The following KIF1B variants were observed in gnomAD, a reference collection of about 807,000 sequenced individuals.
KIF1B encodes kinesin-like protein KIF1B.
Under a neutral mutation model 241.9 loss-of-function variants are expected in KIF1B, and 76 were observed. The observed-to-expected ratio is 0.31, with a 90% CI of 0.26 to 0.38. The LOEUF (loss-of-function observed/expected upper bound fraction) is 0.38, where lower values mean the gene tolerates loss of function less well. Ranked by LOEUF, KIF1B falls within the 10% of genes least tolerant of loss-of-function variation. The pLI, the probability that KIF1B is intolerant of heterozygous loss-of-function variation, is 1.00. For missense variants in KIF1B, 1,622 were observed against 2,271.4 expected, an observed-to-expected ratio of 0.71 and a Z score of 5.81; for synonymous variants, 750 against 796.7, an observed-to-expected ratio of 0.94 and a Z score of 0.99.
chr1:10,253,729 T>G (rs1647601624), intron 2 of KIF1B, among the ~76,000 whole-genome samples: 2 of 152,240 alleles, frequency 1.3e-5, no homozygotes, highest in South Asian at 4.1e-4. Context: ...AATCTTGCAT[T>G]TAATTCCTCT....
chr1:10,271,915 A>C (rs1354466765), intron 8 of KIF1B, among the ~76,000 whole-genome samples: 18 of 152,238 alleles, frequency 1.2e-4, no homozygotes, highest in Admixed American at 1.1e-3. Context: ...AGATGGAATT[A>C]AGAGATGGCA....
At chr1:10,348,012 T>TA (rs1308572699) in intron 36 of KIF1B, among the ~76,000 whole-genome samples, 185 bp downstream of exon 36, 2 of 152,204 alleles carry the variant, frequency 1.3e-5, no homozygotes, top group Non-Finnish European at 2.9e-5. Context: ...GACCTTGGCT[T>TA]ATATTTATCC....
At chr1:10,211,771 G>C (rs1415734620) in intron 1 of KIF1B, 1 of 151,976 alleles carries the variant, frequency 6.6e-6, no homozygotes, top group African/African-American at 2.4e-5. Flanking sequence ...TTCTTGTTGG[G>C]GTGAAATTCC....
chr1:10,372,251 G>A lies in KIF1B; in HGVS notation c.4946+989G>A, dbSNP rs1412734801. ...AAGATGAATCCCAATTTAAGAAATG[G>A]TGGCTGAGTGCAGTGGCTCATACCT... On this transcript the variant is annotated intron_variant, in intron 45 of 48. Coordinates refer to ENST00000676179, the MANE Select transcript of KIF1B (RefSeq NM_001365951.3). 2.0e-5 allele frequency among the ~76,000 whole-genome samples: 3 copies of A among 152,218 alleles called. No individual in the cohort carries two copies. In the East Asian group the frequency reaches 5.8e-4, roughly 29 times the overall value.
chr1:10,337,697 C>CAGA lies in KIF1B; in HGVS notation c.3422+166_3422+168dup, dbSNP rs958797243. Among the ~76,000 whole-genome samples, 3 of 152,092 alleles carry CAGA rather than the reference C, an allele frequency of 2.0e-5. No individual in the cohort carries two copies. Among genetic ancestry groups the CAGA allele is most frequent in the African/African-American group, 7.2e-5 (3 of 41,408 alleles). ...TCATCACTCCTATGGGAGTGAGAACCAGAAACCTGTCCTGGAATGCAACAG... is the reference window on the plus strand; with the variant it reads ...TCATCACTCCTATGGGAGTGAGAACCAGAAGAAACCTGTCCTGGAATGCAACAG... On this transcript the variant is annotated intron_variant, in intron 31 of 48. Coordinates refer to ENST00000676179, the MANE Select transcript of KIF1B (RefSeq NM_001365951.3). This position sits in a 1 kb window ranked among gnomAD's most constrained non-coding sequence, Gnocchi z 4.0.
intron 38 of KIF1B, among the ~76,000 whole-genome samples, chr1:10,358,102 C>CAAA (rs541043240): frequency 1.2e-5 from 1 of 85,152 alleles, no homozygotes; most frequent in Non-Finnish European, 2.7e-5. Context: ...AAGTCCAAAG[C>CAAA]AAAAAAAAAA....
intron 19 of KIF1B, among the ~76,000 whole-genome samples, chr1:10,296,338 T>C (rs1424880130): frequency 6.6e-6 from 1 of 152,238 alleles, no homozygotes; most frequent in East Asian, 1.9e-4. Flanking sequence ...TAATATTTCC[T>C]ATCATCTTCT....
intron 2 of KIF1B, among the ~76,000 whole-genome samples, chr1:10,246,795 A>T (rs1469688359): frequency 6.6e-6 from 1 of 152,186 alleles, no homozygotes; most frequent in Non-Finnish European, 1.5e-5. Context: ...CTTTGCAATC[A>T]GATCATGTCA....
rs143518017 is a variant in KIF1B, at chr1:10,234,137, C to T, written c.106+1703C>T. On this transcript the variant is annotated intron_variant, in intron 2 of 48. Transcript: ENST00000676179. Reference sequence around the variant, plus strand: ...TGAGTATCCTTTCCATCCCTTCTATCGGATTTGCAAGTTTGCTGTAATGTT... The same window carrying T: ...TGAGTATCCTTTCCATCCCTTCTATTGGATTTGCAAGTTTGCTGTAATGTT... Among the ~76,000 whole-genome samples, 188 of 152,082 alleles carry T rather than the reference C, an allele frequency of 1.2e-3. 1 individual carries two copies. In the Middle Eastern group the frequency reaches 0.02, roughly 17 times the overall value.
chr1:10,334,942 G>GT (rs767234114), intron 28 of KIF1B, among the ~76,000 whole-genome samples: 2,941 of 141,118 alleles, frequency 0.021, 41 homozygotes, highest in African/African-American at 0.045. Flanking sequence ...TTGGTGTGTT[G>GT]TTTTTTTTTT....
At chr1:10,226,363 T>G (rs1646908875) in intron 1 of KIF1B, among the ~76,000 whole-genome samples, 1 of 152,130 alleles carries the variant, frequency 6.6e-6, no homozygotes, top group East Asian at 1.9e-4. Context: ...AAAATGTATG[T>G]GTGTATGTAT....
chr1:10,357,568 GAAA>G (rs1054297847), intron 38 of KIF1B, among the ~76,000 whole-genome samples: 1 of 147,060 alleles, frequency 6.8e-6, no homozygotes, highest in Non-Finnish European at 1.5e-5. Flanking sequence ...TGTCTCTAAA[GAAA>G]AAAAAAAATT....
At chr1:10,344,051 T>C (rs755973333) in intron 34 of KIF1B, among the ~76,000 whole-genome samples, 1 of 152,178 alleles carries the variant, frequency 6.6e-6, no homozygotes, top group African/African-American at 2.4e-5. Flanking sequence ...CTGTGCTCAC[T>C]CTCCACCCTC....
intron 22 of KIF1B, 109 bp downstream of exon 22, chr1:10,297,355 C>A: frequency 2.2e-6 from 2 of 898,092 alleles, no homozygotes; most frequent in Non-Finnish European, 3.7e-6. Flanking sequence ...TCAATGATAC[C>A]AAGCACTATT....
At chr1:10,310,850 C>T (rs945075903) in intron 22 of KIF1B, among the ~76,000 whole-genome samples, 8 of 151,424 alleles carry the variant, frequency 5.3e-5, no homozygotes, top group Admixed American at 4.6e-4. Flanking sequence ...AAGGGTTTAA[C>T]GGGTGCCTTT....
chr1:10,296,709 G>A (rs1650281981), intron 20 of KIF1B, 44 bp downstream of exon 20: 2 of 1,547,474 alleles, frequency 1.3e-6, no homozygotes, highest in Non-Finnish European at 1.8e-6. Flanking sequence ...TGTGCACATG[G>A]CTTCTGTGAC....
chr1:10,242,632 T>G (rs2102151853), intron 2 of KIF1B, among the ~76,000 whole-genome samples: 1 of 152,266 alleles, frequency 6.6e-6, no homozygotes, highest in Admixed American at 6.5e-5. Flanking sequence ...TTCTCCTGCC[T>G]AAGCCTCCCA....
At chr1:10,242,509 C>T (rs1324445888) in intron 2 of KIF1B, among the ~76,000 whole-genome samples, 9 of 152,118 alleles carry the variant, frequency 5.9e-5, no homozygotes, top group Non-Finnish European at 1.0e-4. Flanking sequence ...AGTAACAATA[C>T]GATATTATTA....
Position 10,348,724 on chromosome 1 carries a change from C to T in KIF1B, c.3940C>T (p.Leu1314=). The part of the protein sequence containing the change: ...SELHWKDVRE[L]VVGRIRNKPE... ...GCTCCATTGGAAAGATGTTCGTGAA[C>T]TGGTGGTAGGTGAGTACGTTTCATC... The change falls in exon 37 of 49, where the codon CTG becomes TTG. Residue 1314 remains leucine (L), a synonymous_variant. Coordinates refer to ENST00000676179, the MANE Select transcript of KIF1B (RefSeq NM_001365951.3). The T allele has an allele frequency of 6.2e-7, 1 of 1,613,448 alleles. No individual in the cohort carries two copies. The highest frequency in any genetic ancestry group is 8.5e-7 in the Non-Finnish European group (1 of 1,179,470).
Sources: allele counts gnomAD v4.1 joint callset (sites outside exome capture counted in the v4.1 genomes callset), GRCh38; gene constraint gnomAD v4.1.1; non-coding constraint Gnocchi (gnomAD v3.1); transcripts MANE v1.5; gene names NCBI Gene and HGNC (gene_info 2026-07-23, HGNC 2026-07-21).